The following ZFAT variants were observed in gnomAD, a reference collection of about 807,000 sequenced individuals.
ZFAT encodes zinc finger protein ZFAT.
A neutral mutation model predicts 117.7 loss-of-function variants in ZFAT; 64 were observed. The ratio of observed to expected loss-of-function variants is 0.54; its 90% CI spans 0.44 to 0.67. The LOEUF (loss-of-function observed/expected upper bound fraction) is 0.67, where lower values mean the gene tolerates loss of function less well. Ranked by LOEUF, ZFAT falls within the 30% of genes least tolerant of loss-of-function variation. The probability of loss-of-function intolerance (pLI) is 0.00; values close to 1 mark genes in which losing one functional copy is unlikely to be tolerated. For missense variants in ZFAT, 1,433 were observed against 1,584.5 expected, an observed-to-expected ratio of 0.90 and a Z score of 1.62; for synonymous variants, 679 against 615.0, an observed-to-expected ratio of 1.10 and a Z score of -1.54.
At chr8:134,518,679 AT>A (rs1179892331) in intron 13 of ZFAT, among the ~76,000 whole-genome samples, 2 of 151,900 alleles carry the variant, frequency 1.3e-5, no homozygotes, top group Non-Finnish European at 2.9e-5. Context: ...ATATAAAAAA[AT>A]ATTTTTATCA....
At chr8:134,705,463 C>T (rs1168582914) in intron 1 of ZFAT, among the ~76,000 whole-genome samples, 1 of 151,726 alleles carries the variant, frequency 6.6e-6, no homozygotes, top group Non-Finnish European at 1.5e-5. Context: ...GCAGTCCTCC[C>T]ACCTCAGACT....
At chr8:134,769,844 T>C in the ZFAT span, among the ~76,000 whole-genome samples, 2 of 152,234 alleles carry the variant, frequency 1.3e-5, no homozygotes, top group Non-Finnish European at 2.9e-5. Flanking sequence ...TTGACTTCTG[T>C]GCACTCACAG....
At chr8:134,801,952 T>A in the ZFAT span, among the ~76,000 whole-genome samples, 1 of 152,214 alleles carries the variant, frequency 6.6e-6, no homozygotes, top group Non-Finnish European at 1.5e-5. Flanking sequence ...CATTCTTATG[T>A]TCCACCCCAG....
At position 134,590,311 on chromosome 8, in the gene ZFAT, TG is replaced by T; in HGVS notation, c.2519del (p.Ser840Ter). On this transcript the variant is annotated frameshift_variant, in exon 8 of 16. Transcript: ENST00000377838. LOFTEE classifies it high-confidence loss of function. ...YSCPVCEKSF[S>X]EDRLIKSHIK... is the part of the protein sequence containing the mutation. ...TATGTGACTTTATCAATCGATCCTC[TG>T]AAAAAGACTTTTCACAAACAGGACA... The T allele has an allele frequency of 6.2e-7, 1 of 1,613,442 alleles. No homozygotes were observed. Among genetic ancestry groups the T allele is most frequent in the Non-Finnish European group, 8.5e-7 (1 of 1,179,440 alleles).
At chr8:134,737,338 C>G in the ZFAT span, among the ~76,000 whole-genome samples, 1 of 152,170 alleles carries the variant, frequency 6.6e-6, no homozygotes, top group East Asian at 1.9e-4. Context: ...CTGTTGTACT[C>G]TCCACAATTA....
intron 15 of ZFAT, among the ~76,000 whole-genome samples, chr8:134,486,005 T>C (rs908685028): frequency 4.6e-5 from 7 of 152,216 alleles, no homozygotes; most frequent in African/African-American, 7.2e-5. Flanking sequence ...TGACAGGGGA[T>C]TGGAATTTCC....
chr8:134,670,123 A>G (rs1234776827), intron 1 of ZFAT, among the ~76,000 whole-genome samples: 1 of 152,242 alleles, frequency 6.6e-6, no homozygotes, highest in Non-Finnish European at 1.5e-5. Flanking sequence ...AGATCTACAA[A>G]GAGACTTAGA....
At chr8:134,528,077 TC>T (rs1215533933) in intron 12 of ZFAT, among the ~76,000 whole-genome samples, 1 of 150,750 alleles carries the variant, frequency 6.6e-6, no homozygotes, top group Admixed American at 6.7e-5. Flanking sequence ...CCACGCCTCT[TC>T]CTTCTCCTCC....
chr8:134,652,776 G>A (rs1831323289), intron 2 of ZFAT, among the ~76,000 whole-genome samples: 2 of 152,118 alleles, frequency 1.3e-5, no homozygotes, highest in African/African-American at 4.8e-5. Flanking sequence ...TAATATCCTT[G>A]GGTTGATGTG....
At chr8:134,766,982 G>C in the ZFAT span, 1 of 152,156 alleles carries the variant, frequency 6.6e-6, no homozygotes, top group Non-Finnish European at 1.5e-5. Flanking sequence ...AATGAATAGA[G>C]ACTTTCCTTA....
Position 134,637,608 on chromosome 8 carries a change from T to C in ZFAT, c.301A>G (p.Ser101Gly). Residue 101 changes from serine (S) to glycine (G), a missense_variant, in exon 3 of 16, where the codon AGC becomes GGC. Ser to Gly is a moderately conservative substitution (Grantham distance 56, BLOSUM62 0). Coordinates refer to ENST00000377838, the MANE Select transcript of ZFAT (RefSeq NM_020863.4). Reference sequence around the variant, plus strand: ...TTCCCTTCCTCCGGAGCCAGCGGGCTGTCCTCAGTCGGACTCACGATGTTT... The same window carrying C: ...TTCCCTTCCTCCGGAGCCAGCGGGCCGTCCTCAGTCGGACTCACGATGTTT... ...AENIVSPTEDSPLAPEEGNSL... is the reference protein window; with the variant it reads ...AENIVSPTEDGPLAPEEGNSL... The C allele has an allele frequency of 6.2e-7, 1 of 1,614,258 alleles. No individual in the cohort carries two copies. Among genetic ancestry groups the C allele is most frequent in the Non-Finnish European group, 8.5e-7 (1 of 1,180,044 alleles).
At chr8:134,519,696 C>A (rs897189932) in intron 13 of ZFAT, among the ~76,000 whole-genome samples, 2 of 152,202 alleles carry the variant, frequency 1.3e-5, no homozygotes, top group African/African-American at 4.8e-5. Context: ...TCTAGCCACA[C>A]TCACTGATGC....
At chr8:134,596,921 C>G (rs1826988753) in intron 7 of ZFAT, among the ~76,000 whole-genome samples, 1 of 151,472 alleles carries the variant, frequency 6.6e-6, no homozygotes, top group Non-Finnish European at 1.5e-5. Flanking sequence ...GTACCAGGTT[C>G]CTTTATGGGA....
chr8:134,767,670 C>T, the ZFAT span, among the ~76,000 whole-genome samples: 1 of 152,140 alleles, frequency 6.6e-6, no homozygotes, highest in Non-Finnish European at 1.5e-5. Flanking sequence ...GATGCTGTCT[C>T]TACAAAAATT....
the ZFAT span, among the ~76,000 whole-genome samples, chr8:134,730,137 G>A: frequency 2.0e-5 from 3 of 152,170 alleles, no homozygotes; most frequent in Non-Finnish European, 4.4e-5. Flanking sequence ...TCTGGCCCGG[G>A]AATTTCTTGC....
intron 3 of ZFAT, among the ~76,000 whole-genome samples, chr8:134,622,098 G>T (rs575398533): frequency 4.6e-5 from 7 of 152,328 alleles, no homozygotes; most frequent in Non-Finnish European, 1.5e-5. Context: ...ATGCCAGTCT[G>T]TCGACTTCAC....
intron 1 of ZFAT, among the ~76,000 whole-genome samples, chr8:134,686,031 T>C (rs7834111): frequency 0.48 from 72,699 of 151,968 alleles, 18,130 homozygotes; most frequent in African/African-American, 0.61. Context: ...CAGACCCCGC[T>C]GCCCTTCCTA....
chr8:134,682,280 TA>T (rs1563759320), intron 1 of ZFAT, among the ~76,000 whole-genome samples: 1 of 152,164 alleles, frequency 6.6e-6, no homozygotes, highest in Non-Finnish European at 1.5e-5. Context: ...CTAAAAAAGA[TA>T]AAAACGCTGC....
At chr8:134,650,248 C>A (rs1831158729) in intron 2 of ZFAT, among the ~76,000 whole-genome samples, 1 of 151,632 alleles carries the variant, frequency 6.6e-6, no homozygotes, top group Non-Finnish European at 1.5e-5. Context: ...GCCTCAGCCT[C>A]CCGAGAAGCT....
Sources: allele counts gnomAD v4.1 joint callset (sites outside exome capture counted in the v4.1 genomes callset), GRCh38; gene constraint gnomAD v4.1.1; transcripts MANE v1.5; gene names NCBI Gene and HGNC (gene_info 2026-07-23, HGNC 2026-07-21).